The following STAU2 variants were observed in gnomAD, a reference collection of about 807,000 sequenced individuals.
STAU2 encodes the protein double-stranded RNA-binding protein Staufen homolog 2.
STAU2 carries 20 observed loss-of-function variants against 65.9 expected under a neutral mutation model. The ratio of observed to expected loss-of-function variants is 0.30; its 90% CI spans 0.21 to 0.44. STAU2 has a LOEUF of 0.44. Ranked by LOEUF, STAU2 falls within the 20% of genes least tolerant of loss-of-function variation. The probability of loss-of-function intolerance (pLI) is 1.00; values close to 1 mark genes in which losing one functional copy is unlikely to be tolerated. For missense variants in STAU2, 558 were observed against 683.9 expected (o/e 0.82, Z 2.05); for synonymous variants, 232 against 233.9 (o/e 0.99, Z 0.07).
chr8:73,621,951 CTTTT>C, intron 6 of STAU2, among the ~76,000 whole-genome samples: 1 of 129,890 alleles, frequency 7.7e-6, no homozygotes, highest in Non-Finnish European at 1.6e-5. Flanking sequence ...GTCTTTCTCT[CTTTT>C]TTTTTTTTTT....
intron 13 of STAU2, among the ~76,000 whole-genome samples, chr8:73,457,366 G>A (rs957134842): frequency 6.6e-6 from 1 of 152,188 alleles, no homozygotes; most frequent in South Asian, 2.1e-4. Flanking sequence ...ATTAGGATAA[G>A]GGCCAACAAG....
intron 5 of STAU2, among the ~76,000 whole-genome samples, chr8:73,683,211 C>G (rs748921292): frequency 2.0e-5 from 3 of 151,990 alleles, no homozygotes; most frequent in African/African-American, 7.2e-5. Context: ...GCAAAAAATC[C>G]TCAACAAAAT....
At chr8:73,682,907 T>TA (rs1445729787) in intron 5 of STAU2, among the ~76,000 whole-genome samples, 1 of 152,098 alleles carries the variant, frequency 6.6e-6, no homozygotes, top group African/African-American at 2.4e-5. Flanking sequence ...CCTTCTAGGT[T>TA]AAACCAGGAA....
intron 13 of STAU2, among the ~76,000 whole-genome samples, chr8:73,523,419 T>C (rs1330461525): frequency 6.6e-6 from 1 of 152,066 alleles, no homozygotes; most frequent in African/African-American, 2.4e-5. Context: ...GGCTGTTTTT[T>C]TAACATTAGG....
intron 6 of STAU2, among the ~76,000 whole-genome samples, chr8:73,635,952 C>CACACACACACACACACACA (rs1586165974): frequency 3.7e-5 from 3 of 80,176 alleles, no homozygotes; most frequent in African/African-American, 1.3e-4. Context: ...ACACACACAC[C>CACACACACACACACACACA]CCTGGAACCA....
chr8:73,524,242 C>T (rs1025724599), intron 13 of STAU2, among the ~76,000 whole-genome samples: 6 of 151,940 alleles, frequency 3.9e-5, no homozygotes, highest in East Asian at 1.9e-4. Context: ...TAGCATGTGA[C>T]GGGGACTAGG....
In STAU2 at chr8:73,421,222, C is replaced by T; in HGVS notation, c.*150G>A. The T allele has an allele frequency of 1.5e-6, 1 of 668,490 alleles. No individual in the cohort carries two copies. The highest frequency in any genetic ancestry group is 2.5e-6 in the Non-Finnish European group (1 of 394,118). 41.4% of individuals were successfully genotyped at this position (668,490 alleles called of 1,614,324 possible). A position where few individuals can be genotyped will look rare whatever the true frequency, so the allele number is the denominator to read the frequency against. On this transcript the variant is annotated 3_prime_UTR_variant, in exon 15 of 15. Transcript: ENST00000524300. ...TTTTCCCCAGTTGAATAAACAGTAC[C>T]ATGTATATTATCTCTCGTGTTAGAA...
chr8:73,561,698 C>T (rs551156039), intron 12 of STAU2, among the ~76,000 whole-genome samples: 2 of 152,302 alleles, frequency 1.3e-5, no homozygotes, highest in South Asian at 4.1e-4. Flanking sequence ...CTATTGCTTC[C>T]TAGTCAATAC....
At chr8:73,671,991 C>T (rs1817716664) in intron 6 of STAU2, among the ~76,000 whole-genome samples, 1 of 151,946 alleles carries the variant, frequency 6.6e-6, no homozygotes, top group Non-Finnish European at 1.5e-5. Flanking sequence ...CACCACTGTA[C>T]TCCAGCCTGG....
chr8:73,717,233 C>T (rs1821311563), intron 3 of STAU2, among the ~76,000 whole-genome samples: 1 of 152,046 alleles, frequency 6.6e-6, no homozygotes, highest in Non-Finnish European at 1.5e-5. Context: ...CAAACTGTGG[C>T]TTTTCTCTTT....
At chr8:73,740,978 C>A (rs1368647783) in intron 1 of STAU2, among the ~76,000 whole-genome samples, 1 of 148,352 alleles carries the variant, frequency 6.7e-6, no homozygotes, top group Non-Finnish European at 1.5e-5. Context: ...GCACTCCAGT[C>A]CAGGTGACAG....
intron 1 of STAU2, among the ~76,000 whole-genome samples, chr8:73,743,758 G>A (rs1807058820): frequency 1.4e-5 from 2 of 146,490 alleles, no homozygotes; most frequent in African/African-American, 5.1e-5. Flanking sequence ...ACAAGCATGA[G>A]CCACCATGCC....
chr8:73,505,439 A>T (rs1048054313), intron 13 of STAU2, among the ~76,000 whole-genome samples: 3 of 152,082 alleles, frequency 2.0e-5, no homozygotes, highest in Non-Finnish European at 2.9e-5. Flanking sequence ...GGAAATAAGA[A>T]GTAAAAGAGG....
intron 6 of STAU2, among the ~76,000 whole-genome samples, chr8:73,629,923 T>A (rs1252041024): frequency 6.6e-6 from 1 of 152,160 alleles, no homozygotes; most frequent in Non-Finnish European, 1.5e-5. Flanking sequence ...TTGGCTAATT[T>A]TTTTTTATTT....
chr8:73,503,633 C>T (rs187076933), intron 13 of STAU2, among the ~76,000 whole-genome samples: 15 of 151,964 alleles, frequency 9.9e-5, no homozygotes, highest in Admixed American at 3.3e-4. Context: ...GAATGACTAG[C>T]TGCTTTTTAA....
At chr8:73,638,420 A>T (rs1222124297) in intron 6 of STAU2, among the ~76,000 whole-genome samples, 1 of 151,680 alleles carries the variant, frequency 6.6e-6, no homozygotes, top group Non-Finnish European at 1.5e-5. Flanking sequence ...ATTAAAAAAC[A>T]CTTATTTTTT....
intron 5 of STAU2, among the ~76,000 whole-genome samples, chr8:73,685,989 A>G (rs966887379): frequency 6.6e-6 from 1 of 152,178 alleles, no homozygotes; most frequent in Non-Finnish European, 1.5e-5. Flanking sequence ...AAGGAATGAA[A>G]TAATGGCATT....
At chr8:73,447,827 A>T (rs1462966547) in intron 13 of STAU2, among the ~76,000 whole-genome samples, 1 of 152,176 alleles carries the variant, frequency 6.6e-6, no homozygotes. Flanking sequence ...GGGACACTTC[A>T]TCTTTATCAG....
intron 13 of STAU2, among the ~76,000 whole-genome samples, chr8:73,469,662 C>T (rs1819869891): frequency 6.6e-6 from 1 of 151,446 alleles, no homozygotes; most frequent in East Asian, 1.9e-4. Context: ...ACGGTCAGTT[C>T]GAGAAAGGAA....
Sources: allele counts gnomAD v4.1 joint callset (sites outside exome capture counted in the v4.1 genomes callset), GRCh38; gene constraint gnomAD v4.1.1; transcripts MANE v1.5; gene names NCBI Gene and HGNC (gene_info 2026-07-23, HGNC 2026-07-21).